Variants in MYOF observed in about 807,000 individuals in gnomAD.
MYOF encodes the protein fer-1-like 3, myoferlin.
MYOF carries 244 observed loss-of-function variants against 284.2 expected under a neutral mutation model. The observed-to-expected ratio is 0.86, with a 90% confidence interval of 0.77 to 0.95. MYOF has a LOEUF of 0.95. MYOF is among the 40% of genes least tolerant of loss of function. The pLI, the probability that MYOF is intolerant of heterozygous loss-of-function variation, is 0.00. For missense variants in MYOF, 2,496 were observed against 2,560.6 expected, an observed-to-expected ratio of 0.97 and a Z score of 0.54; for synonymous variants, 904 against 919.7, an observed-to-expected ratio of 0.98 and a Z score of 0.31.
intron 16 of MYOF, among the ~76,000 whole-genome samples, chr10:93,394,530 G>A (rs1206784813): frequency 5.3e-5 from 7 of 130,902 alleles, no homozygotes; most frequent in Admixed American, 2.9e-4. Context: ...GCGCGATCTC[G>A]GCTCACTGCA....
chr10:93,366,355 A>T (rs1845325695), intron 26 of MYOF, 37 bp downstream of exon 26: 3 of 1,593,806 alleles, frequency 1.9e-6, no homozygotes, highest in Non-Finnish European at 2.6e-6. Flanking sequence ...GAAAGATTTC[A>T]TTGCTATCCT....
Position 93,333,805 on chromosome 10 carries a change from A to G in MYOF, c.4672T>C (p.Tyr1558His). ...SVPQECTVRI[Y>H]IVRGLELQPQ... The stretch of plus-strand genomic sequence containing the variant: ...TGGAGCTCTAAGCCTCGAACAATGT[A>G]AATCCTAACCGTGCATTCCTGTGGG... The change falls in exon 42 of 54, where the codon TAC (tyrosine) becomes CAC (histidine). Residue 1558 changes from tyrosine to histidine, a missense_variant. Tyr to His is a moderately conservative substitution (Grantham distance 83). Around this residue, in one of 3 missense-constraint regions of MYOF, gnomAD observed 2,436 missense variants for 2,480.7 expected, o/e 0.98. Coordinates refer to ENST00000359263, the MANE Select transcript of MYOF (RefSeq NM_013451.4). 1 of 1,614,202 alleles carries G rather than the reference A, an allele frequency of 6.2e-7. No individual in the cohort carries two copies.
intron 38 of MYOF, chr10:93,341,763 C>A: frequency 2.6e-6 from 1 of 388,106 alleles, no homozygotes; most frequent in South Asian, 2.5e-5. Context: ...ACAGAAGATT[C>A]TTCTTTTAGG....
chr10:93,434,815 T>A lies in MYOF; in HGVS notation c.237-3299A>T, dbSNP rs1297000791. On this transcript the variant is annotated intron_variant, in intron 3 of 53. Transcript: ENST00000359263. ...TTTAGGCTTTTTTACAGGAGTATTT[T>A]TTTTCTCCTTACTTAGATTTTTATT... Among the ~76,000 whole-genome samples the A allele has an allele frequency of 2.0e-5, 3 of 152,178 alleles. No individual in the cohort carries two copies. The East Asian group carries it at 5.8e-4, about 29-fold the overall frequency.
At position 93,357,438 on chromosome 10, in the gene MYOF, G is replaced by A. The variant is rs80010136; in HGVS notation, c.3121-590C>T. On this transcript the variant is annotated intron_variant, in intron 29 of 53. Transcript: ENST00000359263. Reference sequence around the variant, plus strand: ...TTTCAATGTTATATTCTCTTCATTCGACAAATATGAGTGCCCACTGTGTGA... The same window carrying A: ...TTTCAATGTTATATTCTCTTCATTCAACAAATATGAGTGCCCACTGTGTGA... Among the ~76,000 whole-genome samples, 549 of 152,200 alleles carry A rather than the reference G, an allele frequency of 3.6e-3. 26 individuals carry two copies. In the East Asian group the frequency reaches 0.093, roughly 26 times the overall value.
At chr10:93,442,621 C>T (rs899790330) in intron 3 of MYOF, among the ~76,000 whole-genome samples, 1 of 152,188 alleles carries the variant, frequency 6.6e-6, no homozygotes, top group African/African-American at 2.4e-5. Flanking sequence ...GAAACTGTTT[C>T]TAACTTTGTT....
intron 48 of MYOF, 27 bp from the exon 49 acceptor site, chr10:93,320,040 G>T (rs1261038628): frequency 6.2e-7 from 1 of 1,612,458 alleles, no homozygotes; most frequent in Admixed American, 1.7e-5. Context: ...AACAGACTTA[G>T]CTTCACGTGA....
intron 39 of MYOF, chr10:93,338,534 T>C (rs1441459813): frequency 6.6e-6 from 3 of 456,280 alleles, no homozygotes; most frequent in Non-Finnish European, 1.3e-5. Flanking sequence ...CCTGCCTCCA[T>C]GTACCTCCAA....
Position 93,333,819 on chromosome 10 carries a change from C to T in MYOF, c.4658G>A (p.Cys1553Tyr). 6.2e-7 allele frequency: 1 copy of T among 1,614,160 alleles called. No individual in the cohort carries two copies. The highest frequency in any genetic ancestry group is 8.5e-7 in the Non-Finnish European group (1 of 1,180,030). ...TCGAACAATGTAAATCCTAACCGTG[C>T]ATTCCTGTGGGACGCTGTCAGGTAA... ...RELPDSVPQECTVRIYIVRGL... is the reference protein window; with the variant it reads ...RELPDSVPQEYTVRIYIVRGL... Residue 1553 changes from cysteine (C) to tyrosine (Y), a missense_variant, in exon 42 of 54, where the codon TGC becomes TAC. Coordinates refer to ENST00000359263, the MANE Select transcript of MYOF (RefSeq NM_013451.4).
intron 39 of MYOF, among the ~76,000 whole-genome samples, chr10:93,339,334 GTTATA>G (rs1233384807): frequency 2.0e-5 from 3 of 150,974 alleles, no homozygotes; most frequent in Admixed American, 1.3e-4. Flanking sequence ...TTTTATTCAT[GTTATA>G]TTATATGTTA....
In MYOF at chr10:93,373,886, G is replaced by T. The variant is rs531563904; in HGVS notation, c.2302-801C>A. ...CCTACCATTTTTTTTTATACTTTAA[G>T]TTCTAGGGTACATGTGCACAATGTG... On this transcript the variant is annotated intron_variant, in intron 23 of 53. Transcript: ENST00000359263. Among the ~76,000 whole-genome samples, 6 of 152,126 alleles carry T rather than the reference G, an allele frequency of 3.9e-5. No homozygotes were observed. The East Asian group carries it at 1.2e-3, about 29-fold the overall frequency.
intron 3 of MYOF, among the ~76,000 whole-genome samples, chr10:93,439,631 G>A (rs2056184295): frequency 6.6e-6 from 1 of 152,212 alleles, no homozygotes. Flanking sequence ...CCGAGCTTCA[G>A]TTTCCTCATC....
chr10:93,447,780 T>C (rs61867764), intron 3 of MYOF, among the ~76,000 whole-genome samples: 1 of 152,106 alleles, frequency 6.6e-6, no homozygotes, highest in Non-Finnish European at 1.5e-5. Context: ...AGTGCCAGGG[T>C]GAGCCTGACG....
At chr10:93,469,467 A>G (rs1158402343) in intron 1 of MYOF, among the ~76,000 whole-genome samples, 2 of 152,132 alleles carry the variant, frequency 1.3e-5, no homozygotes, top group African/African-American at 4.8e-5. Flanking sequence ...CTGCAAGGCA[A>G]TTTCACACAT....
intron 18 of MYOF, among the ~76,000 whole-genome samples, chr10:93,388,247 C>G (rs1232105030): frequency 6.6e-6 from 1 of 152,174 alleles, no homozygotes; most frequent in African/African-American, 2.4e-5. Context: ...GGATGGGGCT[C>G]TAAGTCTCCC....
chr10:93,438,580 C>A (rs888188817), intron 3 of MYOF, among the ~76,000 whole-genome samples: 3 of 152,116 alleles, frequency 2.0e-5, no homozygotes, highest in Non-Finnish European at 4.4e-5. Flanking sequence ...CTGAGTCCGA[C>A]TTTTTCCTTT....
intron 19 of MYOF, among the ~76,000 whole-genome samples, chr10:93,384,417 C>T (rs755549825): frequency 1.4e-4 from 21 of 152,062 alleles, no homozygotes; most frequent in Non-Finnish European, 2.4e-4. Context: ...AGGCTGGCGG[C>T]GGATTACCTG....
intron 1 of MYOF, among the ~76,000 whole-genome samples, chr10:93,476,836 G>C (rs1258957147): frequency 6.6e-6 from 1 of 152,126 alleles, no homozygotes; most frequent in East Asian, 1.9e-4. Flanking sequence ...AAAATGACAG[G>C]AATCTGGAAA....
At chr10:93,339,544 A>T (rs912968302) in intron 39 of MYOF, among the ~76,000 whole-genome samples, 5 of 150,960 alleles carry the variant, frequency 3.3e-5, no homozygotes, top group African/African-American at 4.9e-5. Context: ...AGCTCACTGC[A>T]TTGCAACCTC....
Sources: gnomAD v4.1 joint callset for allele counts (sites outside exome capture counted in the v4.1 genomes callset) on GRCh38, gnomAD v4.1.1 for gene constraint, gnomAD v4.1.1 regional missense constraint, MANE v1.5 for transcripts, NCBI Gene and HGNC (gene_info 2026-07-23, HGNC 2026-07-21) for gene names.